NCOR2: variants seen among roughly 807,000 people sequenced by gnomAD.
NCOR2 encodes nuclear receptor corepressor 2, also known as CTG repeat protein 26.
In NCOR2, 81 loss-of-function variants were observed where a neutral mutation model predicts 262.9. That is an observed-to-expected ratio of 0.31 (90% CI 0.26 to 0.37). The LOEUF (loss-of-function observed/expected upper bound fraction) is 0.37, where lower values mean the gene tolerates loss of function less well. Among genes scored for constraint, NCOR2 ranks in the 10% least tolerant of loss-of-function variants. The probability of loss-of-function intolerance (pLI) is 1.00; values close to 1 mark genes in which losing one functional copy is unlikely to be tolerated. For synonymous variants in NCOR2, 1,659 were observed against 1,559.3 expected, an observed-to-expected ratio of 1.06 and a Z score of -1.51; for missense variants, 3,385 against 3,621.4, an observed-to-expected ratio of 0.93 and a Z score of 1.68.
chr12:124,420,821 G>A lies in NCOR2; in HGVS notation c.1384-766C>T, dbSNP rs114168144. Among the ~76,000 whole-genome samples, 953 of 152,334 alleles carry A rather than the reference G, an allele frequency of 6.3e-3. 9 individuals are homozygous for A. The highest frequency in any genetic ancestry group is 0.019 in the African/African-American group (798 of 41,566). On this transcript the variant is annotated intron_variant, in intron 12 of 46. Coordinates refer to ENST00000405201, the Ensembl canonical transcript of NCOR2. ...CAATGCTCTGGCCAGTGCCAAGCCA[G>A]GACCCCACCTCCAATGGGCATTCTG...
intron 13 of NCOR2, among the ~76,000 whole-genome samples, chr12:124,404,624 T>A (rs1252862142): frequency 1.3e-5 from 2 of 152,202 alleles, no homozygotes; most frequent in Non-Finnish European, 2.9e-5. Context: ...GGGAGAGGGA[T>A]GCATCTGGGC....
At chr12:124,358,463 A>G (rs1298932374) in intron 22 of NCOR2, among the ~76,000 whole-genome samples, 3 of 152,086 alleles carry the variant, frequency 2.0e-5, no homozygotes, top group Non-Finnish European at 4.4e-5. Context: ...GGGGGGTTAT[A>G]AGCCCAGACC....
rs780302255 is a variant in NCOR2, at chr12:124,523,727, G to T, written c.-118+11838C>A. On this transcript the variant is annotated intron_variant, in intron 1 of 46. Transcript: ENST00000404621. This position sits in a 1 kb window ranked among gnomAD's most constrained non-coding sequence, Gnocchi z 4.0. ...GCTGCATTTAAAACCGTCCTGAGCC[G>T]CAGGTTGGACAAGCTTGCCTTACAA... is the stretch of plus-strand genomic sequence containing the variant. Among the ~76,000 whole-genome samples the T allele has an allele frequency of 6.6e-6, 1 of 151,854 alleles. No homozygotes were observed. Among genetic ancestry groups the T allele is most frequent in the Non-Finnish European group, 1.5e-5 (1 of 67,992 alleles).
rs146438079 is a variant in NCOR2, at chr12:124,399,569, T to A, written c.1813+932A>T. Among the ~76,000 whole-genome samples, 42 of 152,278 alleles carry A rather than the reference T, an allele frequency of 2.8e-4. 1 individual carries two copies. In the East Asian group the frequency reaches 6.4e-3, roughly 23 times the overall value. ...AAATTTTTAGAGAGGGAACGTTTCC[T>A]CTCTGAGCTTCGAGTGGGCCATTTA... On this transcript the variant is annotated intron_variant, in intron 15 of 46. Coordinates refer to ENST00000405201, the Ensembl canonical transcript of NCOR2.
chr12:124,536,590 G>T (rs942020202), upstream of NCOR2, among the ~76,000 whole-genome samples: 1 of 152,122 alleles, frequency 6.6e-6, no homozygotes, highest in African/African-American at 2.4e-5. Flanking sequence ...CTTAAGAGAG[G>T]GCAATTAAAA....
rs1308712858 is a variant in NCOR2, at chr12:124,389,271, CG to C, written c.1877-3385del. On this transcript the variant is annotated intron_variant, in intron 16 of 46. Coordinates refer to ENST00000405201, the Ensembl canonical transcript of NCOR2. The surrounding 1 kb of genome is among the most constrained non-coding windows in gnomAD (Gnocchi z 4.4). ...GCAGGGCAGCCGTGTCCCCCGCAGC[CG>C]GGCTCAGCTCTGATCTTCTTGCTGC... Among the ~76,000 whole-genome samples the C allele has an allele frequency of 3.3e-5, 5 of 152,300 alleles. No individual in the cohort carries two copies. In the East Asian group the frequency reaches 7.8e-4, roughly 24 times the overall value.
At chr12:124,441,668 C>T (rs576793690) in intron 7 of NCOR2, among the ~76,000 whole-genome samples, 3 of 152,332 alleles carry the variant, frequency 2.0e-5, no homozygotes, top group African/African-American at 7.2e-5. Flanking sequence ...GGTGGCTCCA[C>T]AAATCTATAT....
At chr12:124,436,854 G>A (rs1464074392) in intron 8 of NCOR2, among the ~76,000 whole-genome samples, 2 of 152,210 alleles carry the variant, frequency 1.3e-5, no homozygotes, top group Admixed American at 6.5e-5. Context: ...TTGGGAGGCC[G>A]AGGCGGGTGC....
chr12:124,539,101 C>G (rs1328764502), upstream of NCOR2: 2 of 152,222 alleles, frequency 1.3e-5, no homozygotes, highest in African/African-American at 2.4e-5. This position sits in a 1 kb window ranked among gnomAD's most constrained non-coding sequence, Gnocchi z 5.1. Flanking sequence ...GCATGTGGGC[C>G]ACAGTGTGGA....
At chr12:124,339,271 CACCT>C (rs1283789590) in intron 37 of NCOR2, among the ~76,000 whole-genome samples, 1 of 138,338 alleles carries the variant, frequency 7.2e-6, no homozygotes, top group Non-Finnish European at 1.5e-5. Flanking sequence ...CTCACCCACC[CACCT>C]ACCTACCTAA....
chr12:124,325,384 C>CCT lies in NCOR2; in HGVS notation c.*17_*18insAG, dbSNP rs773529156. ...TCGCTGGGACCTGACACCGCCCCCCCCCCCGCCCTGTTCTGAGTCACTCGC... is the reference window on the plus strand; with the variant it reads ...TCGCTGGGACCTGACACCGCCCCCCCCTCCCCGCCCTGTTCTGAGTCACTCGC... On this transcript the variant is annotated 3_prime_UTR_variant, in exon 47 of 47. Coordinates refer to ENST00000405201, the Ensembl canonical transcript of NCOR2. The CCT allele has an allele frequency of 3.3e-5, 16 of 486,598 alleles. 1 individual carries two copies. Among genetic ancestry groups the CCT allele is most frequent in the South Asian group, 1.3e-4 (2 of 15,566 alleles). The allele number at this position is 486,598 out of a possible 1,614,324, so 30.1% of individuals were successfully genotyped here. A position where few individuals can be genotyped will look rare whatever the true frequency, so the allele number is the denominator to read the frequency against.
chr12:124,473,060 C>T (rs767701462), exon 4 of NCOR2: 3 of 1,614,148 alleles, frequency 1.9e-6, no homozygotes, highest in South Asian at 1.1e-5. Flanking sequence ...GCGGCACCAG[C>T]TCCAGCTCAG....
At chr12:124,489,791 G>A (rs1485717445) in intron 1 of NCOR2, among the ~76,000 whole-genome samples, 1 of 152,196 alleles carries the variant, frequency 6.6e-6, no homozygotes, top group Non-Finnish European at 1.5e-5. Context: ...GGGTCCCAAG[G>A]GTGGGGAGGA....
intron 28 of NCOR2, among the ~76,000 whole-genome samples, chr12:124,349,684 T>G (rs77071050): frequency 6.6e-6 from 1 of 152,146 alleles, no homozygotes; most frequent in Admixed American, 6.5e-5. Flanking sequence ...AAACCCATGA[T>G]GAAGACGATA....
At chr12:124,349,188 G>A (rs749329011) in intron 28 of NCOR2, among the ~76,000 whole-genome samples, 4 of 152,178 alleles carry the variant, frequency 2.6e-5, no homozygotes, top group African/African-American at 7.2e-5. Flanking sequence ...ACTGCTCCCC[G>A]GACAGGCAGA....
chr12:124,530,011 A>G (rs2050697751), intron 1 of NCOR2: 2 of 152,250 alleles, frequency 1.3e-5, no homozygotes, highest in South Asian at 2.1e-4. Flanking sequence ...AGACTTACAC[A>G]AGAATGTTCA....
At chr12:124,369,996 G>C (rs1470126681) in intron 20 of NCOR2, among the ~76,000 whole-genome samples, 1 of 152,172 alleles carries the variant, frequency 6.6e-6, no homozygotes, top group African/African-American at 2.4e-5. Flanking sequence ...GCTTATCAAT[G>C]GGGCTGCCCC....
chr12:124,329,078 C>A, intron 44 of NCOR2: 1 of 469,586 alleles, frequency 2.1e-6, no homozygotes, highest in Non-Finnish European at 4.4e-6. Context: ...GCTTAACGAT[C>A]TCCATTTATA....
chr12:124,325,271 T>G, exon 47 of NCOR2: 1 of 524,270 alleles, frequency 1.9e-6, no homozygotes. Flanking sequence ...GACGGACAGA[T>G]GGATGGAGGC....
Sources: gnomAD v4.1 joint callset for allele counts (sites outside exome capture counted in the v4.1 genomes callset) on GRCh38, gnomAD v4.1.1 for gene constraint, Gnocchi (gnomAD v3.1) non-coding constraint, MANE v1.5 for transcripts, NCBI Gene and HGNC (gene_info 2026-07-23, HGNC 2026-07-21) for gene names.